Variants in SPATA16 observed in about 807,000 individuals in gnomAD.
SPATA16 encodes the protein spermatogenesis associated 16.
Under a neutral mutation model 63.3 loss-of-function variants are expected in SPATA16, and 36 were observed. The ratio of observed to expected loss-of-function variants is 0.57; its 90% CI spans 0.44 to 0.75. The LOEUF (loss-of-function observed/expected upper bound fraction) is 0.75, where lower values mean the gene tolerates loss of function less well. SPATA16 is among the 30% of genes least tolerant of loss of function. The pLI, the probability that SPATA16 is intolerant of heterozygous loss-of-function variation, is 0.00. For synonymous variants in SPATA16, 203 were observed against 216.7 expected, an observed-to-expected ratio of 0.94 and a Z score of 0.56; for missense variants, 646 against 679.3, an observed-to-expected ratio of 0.95 and a Z score of 0.54.
Position 173,127,308 on chromosome 3 carries a change from A to G in SPATA16, c.-18-9559T>C, listed in dbSNP as rs147627994. 7.9e-5 allele frequency among the ~76,000 whole-genome samples: 12 copies of G among 152,292 alleles called. No individual in the cohort carries two copies. In the East Asian group the frequency reaches 2.1e-3, roughly 27 times the overall value. On this transcript the variant is annotated intron_variant, in intron 1 of 10. Transcript: ENST00000351008. ...CTTAAAGCTTCAGTGCACATTTCCT[A>G]AGACTGAGGATATTTCGTTACTGTA...
intron 6 of SPATA16, among the ~76,000 whole-genome samples, chr3:172,933,951 G>C (rs1732924959): frequency 1.3e-5 from 2 of 152,122 alleles, no homozygotes; most frequent in South Asian, 4.1e-4. Context: ...ACAGTTGGGG[G>C]ATTTGGAATT....
chr3:173,057,306 G>T (rs1229959608), intron 2 of SPATA16, among the ~76,000 whole-genome samples: 1 of 151,646 alleles, frequency 6.6e-6, no homozygotes, highest in Non-Finnish European at 1.5e-5. Context: ...GTAAAGACGG[G>T]GTTTCACCGT....
At chr3:172,892,868 C>T (rs1403365930) in intron 10 of SPATA16, among the ~76,000 whole-genome samples, 7 of 152,116 alleles carry the variant, frequency 4.6e-5, no homozygotes, top group South Asian at 2.1e-4. Flanking sequence ...TAATTTTCCC[C>T]GTTGAAAAAT....
At chr3:172,986,075 A>T (rs572436768) in intron 4 of SPATA16, among the ~76,000 whole-genome samples, 154 of 152,304 alleles carry the variant, frequency 1.0e-3, no homozygotes, top group Non-Finnish European at 2.0e-3. Flanking sequence ...CTATATTGGG[A>T]ACAATCCAGG....
At chr3:172,993,339 A>G (rs889173305) in intron 4 of SPATA16, among the ~76,000 whole-genome samples, 7 of 152,158 alleles carry the variant, frequency 4.6e-5, no homozygotes, top group African/African-American at 1.7e-4. Context: ...TATTTTTAAA[A>G]ATGTTTTTAA....
rs186790848 is a variant in SPATA16, at chr3:172,900,814, G to T, written c.1588-11122C>A. ...TGCCACCACGCCCAGCTAATTTTTTGTATTTTTAGTAGAGATGGGGGTTTC... is the reference window on the plus strand; with the variant it reads ...TGCCACCACGCCCAGCTAATTTTTTTTATTTTTAGTAGAGATGGGGGTTTC... On this transcript the variant is annotated intron_variant, in intron 10 of 10. Coordinates refer to ENST00000351008, the MANE Select transcript of SPATA16 (RefSeq NM_031955.6). Among the ~76,000 whole-genome samples the T allele has an allele frequency of 9.0e-3, 1,364 of 151,824 alleles. 18 individuals are homozygous for T. Among genetic ancestry groups the T allele is most frequent in the African/African-American group, 0.032 (1,306 of 41,404 alleles).
intron 5 of SPATA16, among the ~76,000 whole-genome samples, chr3:172,965,712 A>G (rs1295267597): frequency 6.6e-6 from 1 of 151,052 alleles, no homozygotes; most frequent in African/African-American, 2.4e-5. Context: ...GCTCACTACA[A>G]CCCCCACCTC....
At chr3:172,936,601 A>T (rs770981720) in intron 6 of SPATA16, among the ~76,000 whole-genome samples, 1 of 152,214 alleles carries the variant, frequency 6.6e-6, no homozygotes, top group Non-Finnish European at 1.5e-5. Context: ...GAGTTGGTCT[A>T]GCAAATTATC....
intron 2 of SPATA16, among the ~76,000 whole-genome samples, chr3:173,092,088 G>T (rs1737239183): frequency 6.6e-6 from 1 of 152,064 alleles, no homozygotes; most frequent in Admixed American, 6.6e-5. Context: ...GACCCATCTG[G>T]ATCAGCCCTG....
At chr3:173,131,645 T>C (rs1738388265) in intron 1 of SPATA16, among the ~76,000 whole-genome samples, 1 of 151,912 alleles carries the variant, frequency 6.6e-6, no homozygotes, top group Admixed American at 6.6e-5. Context: ...GAAAGGAAAA[T>C]AAAATTTTTG....
intron 2 of SPATA16, among the ~76,000 whole-genome samples, chr3:173,106,086 T>C (rs1018966213): frequency 2.0e-5 from 3 of 152,178 alleles, no homozygotes; most frequent in Admixed American, 6.5e-5. Flanking sequence ...CTGAATACTA[T>C]ATTTTCTCTA....
At chr3:173,031,656 T>A (rs895588323) in intron 3 of SPATA16, among the ~76,000 whole-genome samples, 1 of 151,962 alleles carries the variant, frequency 6.6e-6, no homozygotes, top group Non-Finnish European at 1.5e-5. Context: ...AAAATGAGAA[T>A]AGAAAGAAAA....
At chr3:172,969,076 T>G (rs1198527423) in intron 5 of SPATA16, among the ~76,000 whole-genome samples, 1 of 152,190 alleles carries the variant, frequency 6.6e-6, no homozygotes, top group African/African-American at 2.4e-5. Context: ...TAGACAAATT[T>G]CTTTGTAGGC....
At chr3:173,072,628 C>T (rs1736700529) in intron 2 of SPATA16, among the ~76,000 whole-genome samples, 1 of 152,148 alleles carries the variant, frequency 6.6e-6, no homozygotes, top group Non-Finnish European at 1.5e-5. Context: ...GCTTCTGCCT[C>T]CCACCATGAT....
chr3:173,080,860 T>A (rs557454449), intron 2 of SPATA16, among the ~76,000 whole-genome samples: 9 of 152,184 alleles, frequency 5.9e-5, no homozygotes, highest in Non-Finnish European at 1.2e-4. Flanking sequence ...ATATGCTTGA[T>A]GTCCAAAAAA....
In SPATA16 at chr3:173,093,074, C is replaced by CAT. The variant is rs1366540896; in HGVS notation, c.612+24045_612+24046insAT. Among the ~76,000 whole-genome samples the CAT allele has an allele frequency of 2.7e-5, 4 of 146,054 alleles. No individual in the cohort carries two copies. The East Asian group carries it at 6.1e-4, about 22-fold the overall frequency. On this transcript the variant is annotated intron_variant, in intron 2 of 10. Coordinates refer to ENST00000351008, the MANE Select transcript of SPATA16 (RefSeq NM_031955.6). ...ACACACACACACACACACACACACACACATATATATATATATGTTTCAAGT... is the reference window on the plus strand; with the variant it reads ...ACACACACACACACACACACACACACATACATATATATATATATGTTTCAAGT...
Position 172,913,746 on chromosome 3 carries a change from T to C in SPATA16, c.1504-2A>G. The C allele has an allele frequency of 6.2e-7, 1 of 1,613,040 alleles. No homozygotes were observed. The highest frequency in any genetic ancestry group is 1.1e-5 in the South Asian group (1 of 91,030). ...AGCATCTGCCATTAGTGACTGCAGC[T>C]GTGGCACCAAGATAAAAATTATCAG... On this transcript the variant is annotated splice_acceptor_variant, in intron 9 of 10. Transcript: ENST00000351008. LOFTEE classifies it high-confidence loss of function.
chr3:172,953,768 A>G (rs547529166), intron 6 of SPATA16, among the ~76,000 whole-genome samples: 11 of 152,316 alleles, frequency 7.2e-5, no homozygotes, highest in South Asian at 6.2e-4. Context: ...CTTGAGCTCT[A>G]TGAAAGCTAA....
At chr3:173,012,951 C>A (rs1442513928) in intron 4 of SPATA16, among the ~76,000 whole-genome samples, 1 of 152,102 alleles carries the variant, frequency 6.6e-6, no homozygotes, top group Non-Finnish European at 1.5e-5. Flanking sequence ...TTCTGCACAG[C>A]AAAATAAACC....
Sources: gnomAD v4.1 joint callset for allele counts (sites outside exome capture counted in the v4.1 genomes callset) on GRCh38, gnomAD v4.1.1 for gene constraint, MANE v1.5 for transcripts, NCBI Gene and HGNC (gene_info 2026-07-23, HGNC 2026-07-21) for gene names.